CDAN1: variants seen among roughly 807,000 people sequenced by gnomAD.
CDAN1 encodes codanin-1.
In CDAN1, 107 loss-of-function variants were observed where a neutral mutation model predicts 139.8. The ratio of observed to expected loss-of-function variants is 0.77; its 90% confidence interval spans 0.65 to 0.90. The LOEUF is 0.90. CDAN1 is among the 40% of genes least tolerant of loss of function. CDAN1 has a pLI of 0.00. For missense variants in CDAN1, 1,667 were observed against 1,575.7 expected (o/e 1.06, Z -0.98); for synonymous variants, 776 against 660.6 (o/e 1.17, Z -2.68).
rs141378204 is a variant in CDAN1 at position 42,723,969 on chromosome 15, C to A, written c.*522G>T. 203 of 175,824 alleles carry A rather than the reference C, an allele frequency of 1.2e-3. No individual in the cohort carries two copies. The highest frequency in any genetic ancestry group is 4.7e-3 in the African/African-American group (198 of 41,946). 10.9% of individuals were successfully genotyped at this position (175,824 alleles called of 1,614,324 possible). ...GGCAGTCCGCCGACCTCAGGCCTCT[C>A]AAAGTGCTGGGATTACAGGCATGAG... On this transcript the variant is annotated 3_prime_UTR_variant, in exon 28 of 28. Transcript: ENST00000356231.
At position 42,735,610 on chromosome 15, in the gene CDAN1, GC is replaced by G; in HGVS notation, c.842del (p.Ser281ThrfsTer25). ...GTTCATCTGTGAGGCTTCCTGTCCG[GC>G]TGGGGAGGGGCGACCCCAATTCTGG... is the stretch of plus-strand genomic sequence containing the variant. ...PTPELGSPLP[S>X]RTGSLTDEPA... On this transcript the variant is annotated frameshift_variant, in exon 4 of 28. Coordinates refer to ENST00000356231, the MANE Select transcript of CDAN1 (RefSeq NM_138477.4). LOFTEE classifies it high-confidence loss of function. 6.2e-7 allele frequency: 1 copy of G among 1,614,198 alleles called. No homozygotes were observed. The highest frequency in any genetic ancestry group is 1.1e-5 in the South Asian group (1 of 91,090).
chr15:42,724,457 G>T lies in CDAN1; in HGVS notation c.*34C>A. The T allele has an allele frequency of 6.4e-7, 1 of 1,567,562 alleles. No homozygotes were observed. The highest frequency in any genetic ancestry group is 8.7e-7 in the Non-Finnish European group (1 of 1,155,806). On this transcript the variant is annotated 3_prime_UTR_variant, in exon 28 of 28. Coordinates refer to ENST00000356231, the MANE Select transcript of CDAN1 (RefSeq NM_138477.4). ...TCGTGAGGCGGGGGTCCAGGGTTCT[G>T]GTGCAATGCCCAAGGCAGGGCCACT...
chr15:42,735,851 TC>T, intron 3 of CDAN1, 23 bp downstream of exon 3: 1 of 1,612,976 alleles, frequency 6.2e-7, no homozygotes, highest in East Asian at 2.2e-5. Context: ...GAAACCGATA[TC>T]CCCAGGAGCG....
chr15:42,735,071 G>A, intron 6 of CDAN1, 29 bp downstream of exon 6: 1 of 1,529,216 alleles, frequency 6.5e-7, no homozygotes, highest in Non-Finnish European at 9.1e-7. Flanking sequence ...TGAGAATGAG[G>A]CCCAAATGCC....
chr15:42,734,599 G>A (rs1222281155), intron 6 of CDAN1, among the ~76,000 whole-genome samples: 1 of 152,062 alleles, frequency 6.6e-6, no homozygotes, highest in African/African-American at 2.4e-5. Flanking sequence ...AAGACCACAG[G>A]GGTCCATTTC....
rs139639770 is a variant in CDAN1, at chr15:42,726,529, G to A, written c.3097-112C>T. On this transcript the variant is annotated intron_variant, in intron 23 of 27. Coordinates refer to ENST00000356231, the MANE Select transcript of CDAN1 (RefSeq NM_138477.4). ...AGAGAGGCAGAAGAATGGGCCCCGG[G>A]ATATGGTGAGTAAAGCCAAGTTGCC... The A allele has an allele frequency of 1.4e-3, 1,132 of 826,506 alleles. 12 individuals are homozygous for A. The African/African-American group carries it at 0.017, about 13-fold the overall frequency. The allele number at this position is 826,506 out of a possible 1,614,324, so 51.2% of individuals were successfully genotyped here.
chr15:42,731,402 A>G, intron 11 of CDAN1, 71 bp from the exon 12 acceptor site: 3 of 1,599,808 alleles, frequency 1.9e-6, no homozygotes, highest in South Asian at 2.2e-5. Flanking sequence ...GAGAAGGGGC[A>G]CTCCAGAGGG....
Position 42,729,556 on chromosome 15 carries a change from A to G in CDAN1, c.2407+12T>C. 4.3e-6 allele frequency: 7 copies of G among 1,614,122 alleles called. No homozygotes were observed. Among genetic ancestry groups the G allele is most frequent in the Non-Finnish European group, 5.9e-6 (7 of 1,179,996 alleles). ...ACAGACCAAGGACCGTCCAGGGAAG[A>G]CCGGTGCTCACCGATGTAGGGGCAG... On this transcript the variant is annotated intron_variant, in intron 17 of 27. Transcript: ENST00000356231.
chr15:42,734,195 G>A (rs761719513), intron 7 of CDAN1, 31 bp downstream of exon 7: 20 of 1,613,956 alleles, frequency 1.2e-5, no homozygotes, highest in Non-Finnish European at 1.6e-5. Flanking sequence ...GTTAGGTCCA[G>A]GCTAGTGGGC....
At chr15:42,730,363 T>C (rs2061593199) in intron 14 of CDAN1, 148 bp from the exon 15 acceptor site, 3 of 895,592 alleles carry the variant, frequency 3.3e-6, no homozygotes, top group Non-Finnish European at 3.7e-6. Context: ...CCCCGCCTCC[T>C]GCATGGGGAC....
intron 14 of CDAN1, 110 bp from the exon 15 acceptor site, chr15:42,730,325 G>A: frequency 1.8e-6 from 2 of 1,083,458 alleles, no homozygotes; most frequent in South Asian, 1.3e-5. Flanking sequence ...AGGGACTGGG[G>A]CCATGTTGGC....
At position 42,731,079 on chromosome 15, in the gene CDAN1, G is replaced by A. The variant is rs189854613; in HGVS notation, c.1861-8C>T. Reference sequence around the variant, plus strand: ...AAATTGCTTCCGCTCACCCTGCATGGAATCAAGGGAAGTAAAAGGTCCAAG... The same window carrying A: ...AAATTGCTTCCGCTCACCCTGCATGAAATCAAGGGAAGTAAAAGGTCCAAG... On this transcript the variant is annotated splice_polypyrimidine_tract_variant and splice_region_variant and intron_variant, in intron 12 of 27. Transcript: ENST00000356231. The A allele has an allele frequency of 1.2e-6, 2 of 1,614,200 alleles. No homozygotes were observed. Among genetic ancestry groups the A allele is most frequent in the South Asian group, 1.1e-5 (1 of 91,074 alleles).
rs1446713512 is a variant in CDAN1, at chr15:42,737,070, T to C, written c.33A>G (p.Glu11=). The C allele has an allele frequency of 1.3e-6, 2 of 1,537,604 alleles. No homozygotes were observed. The highest frequency in any genetic ancestry group is 1.8e-6 in the Non-Finnish European group (2 of 1,140,780). MAAVLESLLR[E]EVSVAAVVRW... Reference sequence around the variant, plus strand: ...GCACGACGGCTGCGACCGACACCTCTTCTCGCAGCAGCGACTCCAAAACGG... The same window carrying C: ...GCACGACGGCTGCGACCGACACCTCCTCTCGCAGCAGCGACTCCAAAACGG... Residue 11 remains glutamate (E), a synonymous_variant, in exon 1 of 28, where the codon GAA becomes GAG. Coordinates refer to ENST00000356231, the MANE Select transcript of CDAN1 (RefSeq NM_138477.4).
At chr15:42,732,204 T>C (rs889087650) in intron 10 of CDAN1, 129 bp downstream of exon 10, 19 of 908,504 alleles carry the variant, frequency 2.1e-5, no homozygotes, top group Non-Finnish European at 3.3e-5. Context: ...CCGCGAGGAG[T>C]AGAACTCTTG....
intron 25 of CDAN1, among the ~76,000 whole-genome samples, 195 bp downstream of exon 25, chr15:42,725,879 CGAGGCAGAATTGCTTGAACCCGG>C (rs1161357044): frequency 4.1e-5 from 6 of 145,836 alleles, no homozygotes; most frequent in Non-Finnish European, 5.9e-5. Context: ...GCTACTTGGC[CGAGGCAGAATTGCTTGAACCCGG>C]GAGGCAGAGG....
intron 10 of CDAN1, among the ~76,000 whole-genome samples, 175 bp downstream of exon 10, chr15:42,732,158 C>T (rs2061622225): frequency 1.3e-5 from 2 of 152,196 alleles, no homozygotes; most frequent in Non-Finnish European, 1.5e-5. Flanking sequence ...AAGAGAGTGC[C>T]CTGGCTTTTC....
chr15:42,732,234 C>A, intron 10 of CDAN1, 99 bp downstream of exon 10: 1 of 1,138,304 alleles, frequency 8.8e-7, no homozygotes, highest in East Asian at 2.4e-5. Context: ...CAGCCCAGGA[C>A]CTGCCAGGCT....
At chr15:42,736,918 G>A (rs747546891) in intron 1 of CDAN1, 95 bp downstream of exon 1, 448 of 1,469,330 alleles carry the variant, frequency 3.0e-4, no homozygotes, top group Admixed American at 7.0e-4. Context: ...GGCCCGGCTG[G>A]CAGCCAGGCG....
At chr15:42,736,831 G>A (rs1293699693) in intron 1 of CDAN1, 51 bp from the exon 2 acceptor site, 2 of 1,473,006 alleles carry the variant, frequency 1.4e-6, no homozygotes, top group Non-Finnish European at 1.8e-6. Context: ...GCCGGCCCGC[G>A]GGCCGTGAGC....
Sources: gnomAD v4.1 joint callset for allele counts (sites outside exome capture counted in the v4.1 genomes callset) on GRCh38, gnomAD v4.1.1 for gene constraint, MANE v1.5 for transcripts, NCBI Gene and HGNC (gene_info 2026-07-23, HGNC 2026-07-21) for gene names.